Variants in CAST observed in about 807,000 individuals in gnomAD.
CAST encodes MIR583 host.
CAST carries 76 observed loss-of-function variants against 119.6 expected under a neutral mutation model. That is an observed-to-expected ratio of 0.64 (90% CI 0.53 to 0.77). The LOEUF (loss-of-function observed/expected upper bound fraction) is 0.77, where lower values mean the gene tolerates loss of function less well. Ranked by LOEUF, CAST falls within the 30% of genes least tolerant of loss-of-function variation. The pLI, the probability that CAST is intolerant of heterozygous loss-of-function variation, is 0.00. For missense variants in CAST, 953 were observed against 946.5 expected (o/e 1.01, Z -0.09); for synonymous variants, 319 against 331.6 (o/e 0.96, Z 0.41).
At chr5:95,981,270 G>A in the CAST span, among the ~76,000 whole-genome samples, 1 of 152,174 alleles carries the variant, frequency 6.6e-6, no homozygotes, top group Non-Finnish European at 1.5e-5. Context: ...TGGGGTAAAG[G>A]AGTTTTCTGA....
chr5:96,724,383 A>C (rs1322314484), intron 4 of CAST, among the ~76,000 whole-genome samples: 1 of 151,996 alleles, frequency 6.6e-6, no homozygotes, highest in Admixed American at 6.6e-5. Flanking sequence ...GGGTCTTGCT[A>C]TGTTACTCAG....
chr5:96,171,553 G>A, the CAST span, among the ~76,000 whole-genome samples: 4 of 152,222 alleles, frequency 2.6e-5, 1 homozygote, highest in Admixed American at 2.6e-4. Context: ...TGAAACGTGG[G>A]TGAATAATCA....
chr5:96,398,967 A>G, the CAST span: 2 of 1,612,834 alleles, frequency 1.2e-6, no homozygotes, highest in Non-Finnish European at 1.7e-6. Flanking sequence ...GGGACTTGAT[A>G]GCATTTTCTT....
At chr5:96,189,001 ACT>A in the CAST span, among the ~76,000 whole-genome samples, 3 of 152,092 alleles carry the variant, frequency 2.0e-5, no homozygotes, top group African/African-American at 7.2e-5. Context: ...TAGCTTCTTC[ACT>A]CTATCACTGA....
At chr5:96,282,329 G>A in the CAST span, among the ~76,000 whole-genome samples, 36 of 152,180 alleles carry the variant, frequency 2.4e-4, no homozygotes, top group East Asian at 6.2e-3. Context: ...CAGTTCCTTC[G>A]CTGAGTGAAA....
chr5:96,660,328 C>G (rs977767130), upstream of CAST, among the ~76,000 whole-genome samples: 2 of 152,194 alleles, frequency 1.3e-5, no homozygotes, highest in Admixed American at 1.3e-4. Context: ...TACTCACACA[C>G]TGTTAGGTCT....
intron 1 of CAST, among the ~76,000 whole-genome samples, chr5:96,654,257 C>T (rs1260018307): frequency 6.6e-6 from 1 of 152,004 alleles, no homozygotes; most frequent in East Asian, 1.9e-4. Flanking sequence ...AAACTCCTGA[C>T]CTTTTGATTT....
At chr5:96,243,481 C>T in the CAST span, among the ~76,000 whole-genome samples, 1 of 151,990 alleles carries the variant, frequency 6.6e-6, no homozygotes, top group Admixed American at 6.6e-5. Flanking sequence ...GTTAAATACA[C>T]ATGATTTTTC....
rs754516576 is a variant in CAST at position 96,729,630 on chromosome 5, C to T, written c.454C>T (p.Gln152Ter). 7.0e-6 allele frequency: 11 copies of T among 1,562,838 alleles called. No individual in the cohort carries two copies. Among genetic ancestry groups the T allele is most frequent in the Admixed American group, 5.0e-5 (3 of 59,898 alleles). The change falls in exon 8 of 32, where the codon CAG becomes TAG. Residue 152 changes from glutamine (Q) to a stop codon, truncating the protein, a stop_gained. Coordinates refer to ENST00000675179, the MANE Select transcript of CAST (RefSeq NM_001750.7). LOFTEE classifies it high-confidence loss of function. ...CTTTCAGCCAAAAAGCCTACCCAAG[C>T]AGGCATCAGATACAGGAAGTAACGA... ...EHTEPKSLPK[Q>*]ASDTGSNDAH... is the part of the protein sequence containing the mutation.
At chr5:96,106,598 T>C in the CAST span, among the ~76,000 whole-genome samples, 1 of 148,230 alleles carries the variant, frequency 6.7e-6, no homozygotes, top group Non-Finnish European at 1.5e-5. Context: ...TAGTTTGTTA[T>C]AATTTCTGTT....
chr5:96,433,644 G>A, the CAST span, among the ~76,000 whole-genome samples: 1 of 152,036 alleles, frequency 6.6e-6, no homozygotes, highest in Non-Finnish European at 1.5e-5. Flanking sequence ...TGGCCCTTTG[G>A]GCATCAGCAC....
At chr5:96,556,830 C>T (rs1434419732) in intron 1 of CAST, among the ~76,000 whole-genome samples, 12 of 152,116 alleles carry the variant, frequency 7.9e-5, no homozygotes, top group East Asian at 1.9e-4. Context: ...CAAGGCAGGC[C>T]AACATTCAAA....
chr5:96,300,834 A>ATTTT, the CAST span, among the ~76,000 whole-genome samples: 4 of 52,438 alleles, frequency 7.6e-5, no homozygotes, highest in East Asian at 5.1e-4. Flanking sequence ...ATTCCTAAGC[A>ATTTT]TTTTTTTTTT....
the CAST span, among the ~76,000 whole-genome samples, chr5:96,503,821 T>TC: frequency 6.6e-6 from 1 of 152,296 alleles, no homozygotes; most frequent in South Asian, 2.1e-4. Flanking sequence ...TTTAGTCCTT[T>TC]CCCTGGCCTG....
At chr5:96,450,910 C>A in the CAST span, among the ~76,000 whole-genome samples, 1 of 152,172 alleles carries the variant, frequency 6.6e-6, no homozygotes, top group South Asian at 2.1e-4. Flanking sequence ...GGTAGCTAAT[C>A]TTAGCAGTCA....
the CAST span, among the ~76,000 whole-genome samples, chr5:96,415,553 A>G: frequency 6.6e-6 from 1 of 152,218 alleles, no homozygotes; most frequent in Non-Finnish European, 1.5e-5. Flanking sequence ...GATGAAAACA[A>G]TTAAATCCTA....
At chr5:96,105,993 T>A in the CAST span, among the ~76,000 whole-genome samples, 1 of 152,230 alleles carries the variant, frequency 6.6e-6, no homozygotes, top group Non-Finnish European at 1.5e-5. Flanking sequence ...AATTTATCCA[T>A]TTCTTCTAGA....
chr5:96,167,417 G>A, the CAST span, among the ~76,000 whole-genome samples: 3 of 152,182 alleles, frequency 2.0e-5, no homozygotes, highest in Admixed American at 2.0e-4. Context: ...TCTGGTGTCT[G>A]GGATGAGACT....
At chr5:96,155,736 C>G in the CAST span, among the ~76,000 whole-genome samples, 1 of 152,206 alleles carries the variant, frequency 6.6e-6, no homozygotes, top group Admixed American at 6.5e-5. Context: ...CCTCTCCTCT[C>G]CCTTCTCCCC....
Sources: gnomAD v4.1 joint callset for allele counts (sites outside exome capture counted in the v4.1 genomes callset) on GRCh38, gnomAD v4.1.1 for gene constraint, MANE v1.5 for transcripts, NCBI Gene and HGNC (gene_info 2026-07-23, HGNC 2026-07-21) for gene names.